The following NOTCH3 variants were observed in gnomAD, a reference collection of about 807,000 sequenced individuals.
NOTCH3 encodes notch receptor 3.
A neutral mutation model predicts 213.3 loss-of-function variants in NOTCH3; 86 were observed. That is an observed-to-expected ratio of 0.40 (90% CI 0.34 to 0.48). The LOEUF is 0.48. Ranked by LOEUF, NOTCH3 falls within the 20% of genes least tolerant of loss-of-function variation. The probability of loss-of-function intolerance (pLI) is 0.57; values close to 1 mark genes in which losing one functional copy is unlikely to be tolerated. For missense variants in NOTCH3, 2,783 were observed against 3,272.6 expected (o/e 0.85, Z 3.65); for synonymous variants, 1,354 against 1,355.9 (o/e 1.00, Z 0.03).
chr19:15,166,547 C>T (rs928074648), intron 29 of NOTCH3, among the ~76,000 whole-genome samples: 12 of 152,282 alleles, frequency 7.9e-5, no homozygotes, highest in Non-Finnish European at 1.5e-4. Flanking sequence ...GACATAAAAT[C>T]CCAGGCACTT....
Position 15,177,739 on chromosome 19 carries a change from C to T in NOTCH3, c.4189G>A (p.Gly1397Arg). The stretch of plus-strand genomic sequence containing the variant: ...CACTCGCGGTCGCAGCGCTGGTCCC[C>T]GCGCTTGGCCTGGCAGGCGGCGCGC... ...CPRAACQAKR[G>R]DQRCDRECNS... Residue 1397 changes from glycine to arginine, a missense_variant, in exon 24 of 33, where the codon GGG (glycine) becomes AGG (arginine). Around this residue, in one of 6 missense-constraint regions of NOTCH3, gnomAD observed 133 missense variants for 201.9 expected, o/e 0.66. Transcript: ENST00000263388. The T allele has an allele frequency of 2.7e-6, 4 of 1,463,910 alleles. No homozygotes were observed. Among genetic ancestry groups the T allele is most frequent in the Non-Finnish European group, 3.6e-6 (4 of 1,115,596 alleles). The allele number at this position is 1,463,910 out of a possible 1,614,324, so 90.7% of individuals were successfully genotyped here.
At chr19:15,162,773 T>TTGTGTG (rs770008525) in intron 31 of NOTCH3, among the ~76,000 whole-genome samples, 168 of 5,270 alleles carry the variant, frequency 0.032, no homozygotes, top group African/African-American at 0.068. Context: ...GTGTGTGTGT[T>TTGTGTG]TGTGTGTGTG....
Position 15,188,058 on chromosome 19 carries a change from C to G in NOTCH3, c.1493-64G>C, listed in dbSNP as rs2046898505. Reference sequence around the variant, plus strand: ...GTGAGAGCAGTACACCCCTCTCCAGCCCCGCCTTGTTTGGGTGGAAAAACC... The same window carrying G: ...GTGAGAGCAGTACACCCCTCTCCAGGCCCGCCTTGTTTGGGTGGAAAAACC... On this transcript the variant is annotated intron_variant, in intron 9 of 32. Coordinates refer to ENST00000263388, the MANE Select transcript of NOTCH3 (RefSeq NM_000435.3). 1.1e-5 allele frequency: 14 copies of G among 1,312,050 alleles called. No individual in the cohort carries two copies. The South Asian group carries it at 1.8e-4, about 17-fold the overall frequency. 81.3% of individuals were successfully genotyped at this position (1,312,050 alleles called of 1,614,324 possible). A position where few individuals can be genotyped will look rare whatever the true frequency, so the allele number is the denominator to read the frequency against.
chr19:15,187,149 T>G lies in NOTCH3; in HGVS notation c.1796A>C (p.Asp599Ala), dbSNP rs1270879986. The change falls in exon 11 of 33, where the codon GAC becomes GCC. Residue 599 changes from aspartate (D) to alanine (A), a missense_variant. Physicochemically the swap from Asp to Ala is moderately radical, Grantham distance 126. Coordinates refer to ENST00000263388, the MANE Select transcript of NOTCH3 (RefSeq NM_000435.3). ...QPCRHGGKCL[D>A]LVDKYLCRCP... ...GCGGCAGAGGTACTTGTCCACCAGG[T>G]CTAGGCATTTGCCGCCATGGCGGCA... 1 of 1,613,934 alleles carries G rather than the reference T, an allele frequency of 6.2e-7. No homozygotes were observed. Among genetic ancestry groups the G allele is most frequent in the East Asian group, 2.2e-5 (1 of 44,870 alleles).
chr19:15,166,380 C>T (rs1361315356), intron 29 of NOTCH3, among the ~76,000 whole-genome samples: 1 of 147,628 alleles, frequency 6.8e-6, no homozygotes, highest in Non-Finnish European at 1.5e-5. Flanking sequence ...TCCAAAGGGA[C>T]TCTGGAACAT....
At chr19:15,168,555 C>T (rs1468196196) in intron 28 of NOTCH3, among the ~76,000 whole-genome samples, 33 of 152,152 alleles carry the variant, frequency 2.2e-4, no homozygotes, top group South Asian at 2.1e-4. Context: ...ATACAATGGC[C>T]GGGCACGGTG....
chr19:15,174,571 ATT>A lies in NOTCH3; in HGVS notation c.4404-173_4404-172del, dbSNP rs71168591. 3.7e-3 allele frequency among the ~76,000 whole-genome samples: 535 copies of A among 145,532 alleles called. 2 individuals are homozygous for A. Among genetic ancestry groups the A allele is most frequent in the African/African-American group, 0.012 (486 of 39,522 alleles). On this transcript the variant is annotated intron_variant, in intron 24 of 32. Coordinates refer to ENST00000263388, the MANE Select transcript of NOTCH3 (RefSeq NM_000435.3). ...TGCAAATCTTGCCATTCACTGGATAATTTTTTTTTTTTTTTTTTGAGACGGAG... is the reference window on the plus strand; with the variant it reads ...TGCAAATCTTGCCATTCACTGGATAATTTTTTTTTTTTTTTTGAGACGGAG...
chr19:15,192,872 G>A (rs2046941300), intron 2 of NOTCH3, among the ~76,000 whole-genome samples: 1 of 152,006 alleles, frequency 6.6e-6, no homozygotes. Context: ...CCAAGATCGC[G>A]CCACTGCACT....
chr19:15,163,797 C>G (rs553533087), intron 31 of NOTCH3, among the ~76,000 whole-genome samples: 12 of 152,216 alleles, frequency 7.9e-5, no homozygotes, highest in Non-Finnish European at 1.6e-4. Flanking sequence ...TGCCACTGCA[C>G]TCCAGCCTGA....
intron 6 of NOTCH3, among the ~76,000 whole-genome samples, chr19:15,190,390 G>C (rs1305868958): frequency 6.6e-6 from 1 of 152,202 alleles, no homozygotes; most frequent in African/African-American, 2.4e-5. Context: ...CCTCTGCCAT[G>C]TATGCCCTCT....
intron 16 of NOTCH3, among the ~76,000 whole-genome samples, chr19:15,182,413 G>A (rs1362340136): frequency 1.3e-5 from 2 of 151,760 alleles, no homozygotes. Flanking sequence ...AGGCTGAGAC[G>A]GGAGGATCAC....
chr19:15,181,491 A>C (rs1473419626), intron 17 of NOTCH3, 85 bp downstream of exon 17: 7 of 1,134,310 alleles, frequency 6.2e-6, no homozygotes, highest in Non-Finnish European at 9.0e-6. Context: ...GACTCCCCCA[A>C]GTCGTTGCTG....
intron 31 of NOTCH3, among the ~76,000 whole-genome samples, chr19:15,164,991 G>T (rs906813756): frequency 1.3e-5 from 2 of 152,100 alleles, no homozygotes; most frequent in African/African-American, 4.8e-5. Context: ...TGCCCAGTCT[G>T]GTCTCAAACT....
At chr19:15,166,912 C>A (rs181421634) in intron 29 of NOTCH3, among the ~76,000 whole-genome samples, 39 of 151,540 alleles carry the variant, frequency 2.6e-4, no homozygotes, top group African/African-American at 9.0e-4. Flanking sequence ...AGGATGAGCA[C>A]GTGACCCTAG....
Position 15,197,550 on chromosome 19 carries a change from A to G in NOTCH3, c.147T>C (p.Cys49=), listed in dbSNP as rs777943180. 1 of 1,610,748 alleles carries G rather than the reference A, an allele frequency of 6.2e-7. No individual in the cohort carries two copies. Among genetic ancestry groups the G allele is most frequent in the South Asian group, 1.1e-5 (1 of 90,916 alleles). ...GCTGGGTGCAACGACCTCCATTTGC[A>G]CACGGGCTTCCGTCCAGGCAAGGGG... ...AAPPCLDGSP[C]ANGGRCTQLP... Residue 49 remains cysteine, a synonymous_variant, in exon 2 of 33, where the codon TGT becomes TGC. Coordinates refer to ENST00000263388, the MANE Select transcript of NOTCH3 (RefSeq NM_000435.3).
At chr19:15,182,054 C>T (rs1161755831) in intron 16 of NOTCH3, among the ~76,000 whole-genome samples, 2 of 152,238 alleles carry the variant, frequency 1.3e-5, no homozygotes, top group Non-Finnish European at 2.9e-5. Context: ...CAAGCAAACG[C>T]TGCTAATTGT....
At position 15,161,195 on chromosome 19, in the gene NOTCH3, G is replaced by A. The variant is rs746097439; in HGVS notation, c.6433C>T (p.Arg2145Trp). 26 of 1,541,146 alleles carry A rather than the reference G, an allele frequency of 1.7e-5. No individual in the cohort carries two copies. The highest frequency in any genetic ancestry group is 8.3e-5 in the South Asian group (7 of 84,284). The change falls in exon 33 of 33, where the codon CGG (arginine) becomes TGG (tryptophan). Residue 2145 changes from arginine (R) to tryptophan (W), a missense_variant. Physicochemically the swap from Arg to Trp is moderately radical, Grantham distance 101 (BLOSUM62 -3). Around this residue, in one of 6 missense-constraint regions of NOTCH3, gnomAD observed 441 missense variants for 432.1 expected, o/e 1.02. Coordinates refer to ENST00000263388, the MANE Select transcript of NOTCH3 (RefSeq NM_000435.3). ...GGGGGCTGGCGCCCTAGACCCGCCC[G>A]GCCTGGGCCACCAAGCTGTGCCAGA... The part of the protein sequence containing the change: ...VSLAQLGGPG[R>W]AGLGRQPPGG...
At chr19:15,171,992 G>A (rs1187628981) in intron 25 of NOTCH3, among the ~76,000 whole-genome samples, 1 of 152,074 alleles carries the variant, frequency 6.6e-6, no homozygotes, top group Non-Finnish European at 1.5e-5. Flanking sequence ...CACGTCCAGG[G>A]TTCAGGCAAT....
chr19:15,199,277 C>T (rs905492064), intron 1 of NOTCH3, among the ~76,000 whole-genome samples: 19 of 152,186 alleles, frequency 1.2e-4, no homozygotes, highest in Admixed American at 1.2e-3. Flanking sequence ...GTATGAGCTG[C>T]ACACCCATAC....
Sources: gnomAD v4.1 joint callset for allele counts (sites outside exome capture counted in the v4.1 genomes callset) on GRCh38, gnomAD v4.1.1 for gene constraint, gnomAD v4.1.1 regional missense constraint, MANE v1.5 for transcripts, NCBI Gene and HGNC (gene_info 2026-07-23, HGNC 2026-07-21) for gene names.